TFDP2: variants seen among roughly 807,000 people sequenced by gnomAD.
TFDP2 encodes the protein transcription factor Dp-2, also known as transcription factor Dp-2 (E2F dimerization partner 2).
A neutral mutation model predicts 59.3 loss-of-function variants in TFDP2; 17 were observed. The observed-to-expected ratio is 0.29, with a 90% CI of 0.20 to 0.43. The LOEUF (loss-of-function observed/expected upper bound fraction) is 0.43. TFDP2 is among the 20% of genes least tolerant of loss of function. The probability of loss-of-function intolerance (pLI) is 1.00; values close to 1 mark genes in which losing one functional copy is unlikely to be tolerated. For synonymous variants in TFDP2, 180 were observed against 194.7 expected (o/e 0.92, Z 0.63); for missense variants, 391 against 528.8 (o/e 0.74, Z 2.56).
intron 10 of TFDP2, among the ~76,000 whole-genome samples, chr3:141,961,446 T>C (rs1012626916): frequency 6.6e-6 from 1 of 151,982 alleles, no homozygotes; most frequent in Non-Finnish European, 1.5e-5. Flanking sequence ...GGTTTTACCA[T>C]GTTGGTCAGG....
intron 8 of TFDP2, among the ~76,000 whole-genome samples, chr3:141,973,160 C>A (rs1244764307): frequency 3.5e-5 from 5 of 143,110 alleles, no homozygotes; most frequent in African/African-American, 7.7e-5. Flanking sequence ...GCTCTTGTCG[C>A]CTAGGCTGGA....
intron 3 of TFDP2, among the ~76,000 whole-genome samples, chr3:142,006,376 A>C (rs948586749): frequency 4.6e-5 from 7 of 152,186 alleles, no homozygotes; most frequent in African/African-American, 1.7e-4. Context: ...GCAACATTTA[A>C]GGGTAGGACA....
At chr3:142,011,897 G>C (rs1260040511) in intron 3 of TFDP2, among the ~76,000 whole-genome samples, 1 of 152,106 alleles carries the variant, frequency 6.6e-6, no homozygotes, top group Admixed American at 6.5e-5. Flanking sequence ...AGCCTTTCTG[G>C]AGGTTCTGAC....
intron 3 of TFDP2, among the ~76,000 whole-genome samples, chr3:142,022,916 T>G (rs1945728460): frequency 6.6e-6 from 1 of 151,756 alleles, no homozygotes; most frequent in South Asian, 2.1e-4. Flanking sequence ...AGTCAGGAGT[T>G]TGAGACTAGC....
intron 3 of TFDP2, among the ~76,000 whole-genome samples, chr3:142,026,326 AC>A (rs1214848571): frequency 3.4e-5 from 5 of 147,340 alleles, no homozygotes; most frequent in Non-Finnish European, 6.1e-5. Context: ...AAACAAAAAA[AC>A]AACAAAAAAA....
intron 3 of TFDP2, among the ~76,000 whole-genome samples, chr3:142,022,493 C>T (rs1282438907): frequency 6.6e-6 from 1 of 152,150 alleles, no homozygotes; most frequent in East Asian, 1.9e-4. Flanking sequence ...ACCATCACAA[C>T]AGTCAATACA....
At chr3:142,062,385 ATATTATATAATATATATG>A (rs1021467320) in intron 3 of TFDP2, among the ~76,000 whole-genome samples, 3 of 113,110 alleles carry the variant, frequency 2.7e-5, no homozygotes, top group African/African-American at 3.5e-5. Flanking sequence ...ACATATATAT[ATATTATATAATATATATG>A]TGTGTGTGTG....
At chr3:142,092,247 T>C (rs1246583667) in intron 3 of TFDP2, among the ~76,000 whole-genome samples, 1 of 152,214 alleles carries the variant, frequency 6.6e-6, no homozygotes, top group Non-Finnish European at 1.5e-5. Flanking sequence ...TGTATCTCTA[T>C]ATACCACAAG....
chr3:142,017,333 T>C lies in TFDP2; in HGVS notation c.83-11789A>G, dbSNP rs1042268493. 2.0e-5 allele frequency among the ~76,000 whole-genome samples: 3 copies of C among 152,266 alleles called. No homozygotes were observed. In the East Asian group the frequency reaches 5.8e-4, roughly 29 times the overall value. On this transcript the variant is annotated intron_variant, in intron 3 of 12. Coordinates refer to ENST00000489671, the MANE Select transcript of TFDP2 (RefSeq NM_001178139.2). ...AACACTAGCATACAGCAGAGCTTAA[T>C]ATTTGTTGGATGAATAAATTGGTAA...
At chr3:142,078,733 T>C (rs977002913) in intron 3 of TFDP2, among the ~76,000 whole-genome samples, 3 of 151,984 alleles carry the variant, frequency 2.0e-5, no homozygotes, top group African/African-American at 7.3e-5. Flanking sequence ...CTCGTCAATG[T>C]TCAGACATCG....
chr3:142,091,571 A>T (rs545200052), intron 3 of TFDP2, among the ~76,000 whole-genome samples: 19 of 152,114 alleles, frequency 1.2e-4, no homozygotes, highest in African/African-American at 3.6e-4. Flanking sequence ...GCCACCAAAA[A>T]AAAAATAAAT....
At chr3:141,993,674 A>C in intron 5 of TFDP2, 89 bp from the exon 6 acceptor site, 1 of 677,546 alleles carries the variant, frequency 1.5e-6, no homozygotes, top group Non-Finnish European at 2.4e-6. Context: ...GTCTAAAATT[A>C]TACACTGAAT....
intron 3 of TFDP2, among the ~76,000 whole-genome samples, chr3:142,056,310 TA>T (rs11338630): frequency 0.71 from 97,612 of 137,706 alleles, 34,562 homozygotes; most frequent in East Asian, 0.77. Flanking sequence ...AACAGTGAAT[TA>T]AAAAAAAAAA....
Position 142,116,981 on chromosome 3 carries a change from G to A in TFDP2, c.-92-15140C>T, listed in dbSNP as rs2061872097. On this transcript the variant is annotated intron_variant, in intron 1 of 12. Coordinates refer to ENST00000489671, the MANE Select transcript of TFDP2 (RefSeq NM_001178139.2). ...CTGTTGCCCAGGCTGGAGTGCGATG[G>A]TGTGATCTTGGCTCACTGCAACCTT... 2.0e-5 allele frequency among the ~76,000 whole-genome samples: 3 copies of A among 152,068 alleles called. No homozygotes were observed. In the South Asian group the frequency reaches 6.2e-4, roughly 32 times the overall value.
chr3:142,038,415 A>C (rs1180617984), intron 3 of TFDP2, among the ~76,000 whole-genome samples: 1 of 151,188 alleles, frequency 6.6e-6, no homozygotes, highest in Non-Finnish European at 1.5e-5. Flanking sequence ...AAAGAGAATA[A>C]GTAGAAATAC....
At chr3:142,119,183 G>A (rs956190394) in intron 1 of TFDP2, among the ~76,000 whole-genome samples, 2 of 151,608 alleles carry the variant, frequency 1.3e-5, no homozygotes, top group Non-Finnish European at 2.9e-5. Flanking sequence ...TACATTCCAA[G>A]AAAACATTCC....
At chr3:141,983,583 C>T (rs1397676203) in intron 6 of TFDP2, among the ~76,000 whole-genome samples, 4 of 148,840 alleles carry the variant, frequency 2.7e-5, no homozygotes, top group Non-Finnish European at 4.4e-5. Context: ...GGTTGCAGTT[C>T]ACGCCATCAC....
chr3:142,083,027 GAC>G (rs1231384448), intron 3 of TFDP2, among the ~76,000 whole-genome samples: 1 of 152,028 alleles, frequency 6.6e-6, no homozygotes, highest in African/African-American at 2.4e-5. Context: ...ACAACATTCA[GAC>G]AAGAGATAAA....
At chr3:141,968,837 CATATATATAG>C (rs1476498590) in intron 9 of TFDP2, among the ~76,000 whole-genome samples, 10 of 73,926 alleles carry the variant, frequency 1.4e-4, no homozygotes, top group Non-Finnish European at 2.3e-5. Flanking sequence ...ATATATATCT[CATATATATAG>C]ATATATATAA....
Sources: gnomAD v4.1 joint callset for allele counts (sites outside exome capture counted in the v4.1 genomes callset) on GRCh38, gnomAD v4.1.1 for gene constraint, MANE v1.5 for transcripts, NCBI Gene and HGNC (gene_info 2026-07-23, HGNC 2026-07-21) for gene names.